The following KCNIP4 variants were observed in gnomAD, a reference collection of about 807,000 sequenced individuals.
KCNIP4 encodes Kv channel-interacting protein 4.
Under a neutral mutation model 34.0 loss-of-function variants are expected in KCNIP4, and 12 were observed. The ratio of observed to expected loss-of-function variants is 0.35; its 90% confidence interval spans 0.23 to 0.57. The LOEUF is 0.57. Ranked by LOEUF, KCNIP4 falls within the 20% of genes least tolerant of loss-of-function variation. The probability of loss-of-function intolerance (pLI) is 0.83; values close to 1 mark genes in which losing one functional copy is unlikely to be tolerated. For missense variants in KCNIP4, 238 were observed against 311.7 expected, an observed-to-expected ratio of 0.76 and a Z score of 1.78; for synonymous variants, 124 against 102.2, an observed-to-expected ratio of 1.21 and a Z score of -1.29.
intron 1 of KCNIP4, among the ~76,000 whole-genome samples, chr4:21,537,931 G>C (rs546838894): frequency 7.2e-6 from 1 of 138,138 alleles, no homozygotes; most frequent in Non-Finnish European, 1.5e-5. Flanking sequence ...AGAATAGCTT[G>C]AACCAGGGAG....
chr4:20,849,191 T>C (rs1274478363), intron 3 of KCNIP4, among the ~76,000 whole-genome samples: 1 of 152,204 alleles, frequency 6.6e-6, no homozygotes, highest in African/African-American at 2.4e-5. Flanking sequence ...TGAGCACTCA[T>C]CTCCATTATA....
chr4:21,074,775 A>C (rs935954038), intron 1 of KCNIP4, among the ~76,000 whole-genome samples: 2 of 152,160 alleles, frequency 1.3e-5, no homozygotes, highest in African/African-American at 4.8e-5. Flanking sequence ...GTGGGCATTT[A>C]GTGCTATAAA....
chr4:20,863,513 G>A (rs1242677502), intron 2 of KCNIP4, among the ~76,000 whole-genome samples: 1 of 152,124 alleles, frequency 6.6e-6, no homozygotes, highest in African/African-American at 2.4e-5. Context: ...CCAATCTTGT[G>A]GCTAATTTGT....
At chr4:21,093,912 C>T (rs574755658) in intron 1 of KCNIP4, among the ~76,000 whole-genome samples, 1 of 152,142 alleles carries the variant, frequency 6.6e-6, no homozygotes, top group East Asian at 1.9e-4. Flanking sequence ...TAAACCCCAT[C>T]TCTACTAAAA....
At chr4:21,304,087 CAGAGAGAG>C (rs145509516) in intron 1 of KCNIP4, 3 of 127,876 alleles carry the variant, frequency 2.3e-5, no homozygotes, top group East Asian at 2.3e-4. Flanking sequence ...GAGAGAGAGA[CAGAGAGAG>C]AGAGAGAGAG....
intron 1 of KCNIP4, among the ~76,000 whole-genome samples, chr4:21,842,097 A>G (rs1400149805): frequency 6.6e-6 from 1 of 152,146 alleles, no homozygotes; most frequent in African/African-American, 2.4e-5. Context: ...ATTTGCCAGG[A>G]TTTATTATTC....
intron 1 of KCNIP4, among the ~76,000 whole-genome samples, chr4:21,946,293 C>A (rs1184495116): frequency 6.6e-6 from 1 of 152,068 alleles, no homozygotes; most frequent in African/African-American, 2.4e-5. Context: ...TCAGTTAGAT[C>A]TTCCAGTTAA....
At chr4:21,234,365 A>C (rs1236343738) in intron 1 of KCNIP4, among the ~76,000 whole-genome samples, 1 of 122,356 alleles carries the variant, frequency 8.2e-6, no homozygotes, top group East Asian at 2.3e-4. Flanking sequence ...TAACATATAT[A>C]ATATATAACA....
intron 1 of KCNIP4, among the ~76,000 whole-genome samples, chr4:21,807,004 C>G (rs1721337773): frequency 6.6e-6 from 1 of 151,962 alleles, no homozygotes; most frequent in South Asian, 2.1e-4. Context: ...GAGCCCTGAG[C>G]TTGTTTTCCT....
chr4:21,945,608 T>C (rs1730467957), intron 1 of KCNIP4, among the ~76,000 whole-genome samples: 1 of 152,172 alleles, frequency 6.6e-6, no homozygotes. Context: ...TCATTTTTAG[T>C]TGTAGATTAC....
intron 1 of KCNIP4, among the ~76,000 whole-genome samples, chr4:20,928,858 T>G (rs1389770493): frequency 4.0e-5 from 6 of 151,898 alleles, no homozygotes; most frequent in African/African-American, 1.4e-4. Context: ...AATAGAAAGC[T>G]TGAATGGACC....
At chr4:21,591,390 C>T (rs1179575922) in intron 1 of KCNIP4, among the ~76,000 whole-genome samples, 1 of 152,026 alleles carries the variant, frequency 6.6e-6, no homozygotes, top group Non-Finnish European at 1.5e-5. Flanking sequence ...AAGCCACTGG[C>T]TATCCTGTGT....
intron 1 of KCNIP4, among the ~76,000 whole-genome samples, chr4:21,061,253 A>G: frequency 6.6e-6 from 1 of 152,148 alleles, no homozygotes; most frequent in East Asian, 1.9e-4. Context: ...CTTTAAATAT[A>G]TACTATAGGG....
chr4:21,317,993 A>G (rs1386662173), intron 1 of KCNIP4, among the ~76,000 whole-genome samples: 1 of 152,164 alleles, frequency 6.6e-6, no homozygotes, highest in African/African-American at 2.4e-5. Context: ...GTATGTCTTT[A>G]CCAGCAGTGT....
intron 1 of KCNIP4, among the ~76,000 whole-genome samples, chr4:21,117,827 C>T (rs190085101): frequency 3.4e-4 from 52 of 152,210 alleles, no homozygotes; most frequent in Non-Finnish European, 6.8e-4. Context: ...GCGCTACAGG[C>T]AATTAGCACT....
intron 1 of KCNIP4, among the ~76,000 whole-genome samples, chr4:21,750,498 T>C (rs768749153): frequency 2.9e-4 from 44 of 152,086 alleles, no homozygotes; most frequent in Non-Finnish European, 4.6e-4. Flanking sequence ...AATGAGGGTG[T>C]AGTGATTGAG....
intron 1 of KCNIP4, among the ~76,000 whole-genome samples, chr4:21,553,958 T>A (rs185279279): frequency 6.6e-6 from 1 of 152,106 alleles, no homozygotes; most frequent in Non-Finnish European, 1.5e-5. Context: ...GAGTGACATA[T>A]CTTTCAGTGG....
chr4:21,024,591 A>G (rs1740364104), intron 1 of KCNIP4, among the ~76,000 whole-genome samples: 2 of 152,158 alleles, frequency 1.3e-5, no homozygotes, highest in East Asian at 3.8e-4. Flanking sequence ...AAACCCCTAT[A>G]TGTTTGAACC....
intron 1 of KCNIP4, among the ~76,000 whole-genome samples, chr4:21,930,377 C>T (rs553698552): frequency 6.6e-6 from 1 of 152,220 alleles, no homozygotes; most frequent in South Asian, 2.1e-4. Flanking sequence ...CTAACTAGTT[C>T]CCATGACTTC....
Sources: gnomAD v4.1 joint callset for allele counts (sites outside exome capture counted in the v4.1 genomes callset) on GRCh38, gnomAD v4.1.1 for gene constraint, MANE v1.5 for transcripts, NCBI Gene and HGNC (gene_info 2026-07-23, HGNC 2026-07-21) for gene names.